The following ZNF385D variants were observed in gnomAD, a reference collection of about 807,000 sequenced individuals.
ZNF385D encodes the protein zinc finger protein 385D.
In ZNF385D, 15 loss-of-function variants were observed where a neutral mutation model predicts 35.8. The ratio of observed to expected loss-of-function variants is 0.42; its 90% CI spans 0.28 to 0.64. The LOEUF (loss-of-function observed/expected upper bound fraction) is 0.64, where lower values mean the gene tolerates loss of function less well. Among genes scored for constraint, ZNF385D ranks in the 30% least tolerant of loss-of-function variants. The pLI is 0.23. For missense variants in ZNF385D, 474 were observed against 494.6 expected, an observed-to-expected ratio of 0.96 and a Z score of 0.39; for synonymous variants, 212 against 186.8, an observed-to-expected ratio of 1.13 and a Z score of -1.10.
chr3:22,220,077 T>C (rs1172388740), intron 2 of ZNF385D, among the ~76,000 whole-genome samples: 10 of 151,962 alleles, frequency 6.6e-5, no homozygotes, highest in Admixed American at 6.6e-4. Context: ...TTTTTTCTTT[T>C]TTTGAGACAG....
At chr3:22,258,770 C>G (rs140272691) in intron 2 of ZNF385D, among the ~76,000 whole-genome samples, 3 of 151,536 alleles carry the variant, frequency 2.0e-5, no homozygotes, top group African/African-American at 7.3e-5. Flanking sequence ...AGATTATTTG[C>G]ATGTTAAAAT....
At chr3:21,703,144 T>C (rs1331375741) in intron 1 of ZNF385D, among the ~76,000 whole-genome samples, 3 of 152,146 alleles carry the variant, frequency 2.0e-5, no homozygotes, top group African/African-American at 7.2e-5. Context: ...GAAAAAGAGC[T>C]TTAATTGGAC....
At chr3:22,289,912 C>CTT (rs1702212574) in intron 2 of ZNF385D, among the ~76,000 whole-genome samples, 1 of 152,058 alleles carries the variant, frequency 6.6e-6, no homozygotes, top group Admixed American at 6.6e-5. Flanking sequence ...TCTAATGCAG[C>CTT]CTTGTTAGAA....
intron 3 of ZNF385D, among the ~76,000 whole-genome samples, chr3:22,105,351 A>G (rs796758218): frequency 1.2e-4 from 18 of 152,016 alleles, no homozygotes; most frequent in African/African-American, 4.3e-4. Context: ...GACTCACTAG[A>G]TAAACACATA....
At chr3:21,705,894 C>G (rs1024415704) in intron 1 of ZNF385D, among the ~76,000 whole-genome samples, 15 of 152,298 alleles carry the variant, frequency 9.8e-5, no homozygotes, top group African/African-American at 3.4e-4. Flanking sequence ...CCTGCCACTC[C>G]CACACCAAGC....
intron 2 of ZNF385D, among the ~76,000 whole-genome samples, chr3:22,290,148 TGAGGAAACTTA>T (rs2125395910): frequency 6.6e-6 from 1 of 152,238 alleles, no homozygotes; most frequent in South Asian, 2.1e-4. Flanking sequence ...AGCCAAATTG[TGAGGAAACTTA>T]GAGTGCTACA....
At chr3:22,021,222 A>C (rs920885309) in intron 3 of ZNF385D, among the ~76,000 whole-genome samples, 1 of 151,972 alleles carries the variant, frequency 6.6e-6, no homozygotes, top group Non-Finnish European at 1.5e-5. Flanking sequence ...ACATGAAACA[A>C]AATAGTACTT....
intron 2 of ZNF385D, among the ~76,000 whole-genome samples, chr3:22,269,678 G>A (rs547676535): frequency 5.3e-5 from 8 of 151,976 alleles, no homozygotes; most frequent in African/African-American, 1.9e-4. Context: ...GCTTCTTCCA[G>A]GTCTTTAAAT....
intron 3 of ZNF385D, among the ~76,000 whole-genome samples, chr3:21,833,335 A>G (rs1695120137): frequency 6.6e-6 from 1 of 152,218 alleles, no homozygotes; most frequent in East Asian, 1.9e-4. Context: ...AAAAGATACA[A>G]ATAAATTAAG....
intron 3 of ZNF385D, among the ~76,000 whole-genome samples, chr3:21,548,931 A>G (rs2062475067): frequency 6.6e-6 from 1 of 152,220 alleles, no homozygotes; most frequent in Non-Finnish European, 1.5e-5. Context: ...TATACAATGT[A>G]CAAATAGACA....
chr3:21,524,452 T>C (rs2125511453), intron 3 of ZNF385D, among the ~76,000 whole-genome samples: 1 of 152,346 alleles, frequency 6.6e-6, no homozygotes, highest in South Asian at 2.1e-4. Flanking sequence ...CATCATCACT[T>C]AGCTTTAAAA....
At chr3:21,670,608 T>C (rs905069909) in intron 1 of ZNF385D, among the ~76,000 whole-genome samples, 1 of 101,710 alleles carries the variant, frequency 9.8e-6, no homozygotes, top group African/African-American at 4.2e-5. Flanking sequence ...CGAAAATAAA[T>C]AACGGCATAA....
chr3:22,103,200 C>G (rs1001528711), intron 3 of ZNF385D, among the ~76,000 whole-genome samples: 1 of 121,332 alleles, frequency 8.2e-6, no homozygotes, highest in African/African-American at 3.3e-5. Flanking sequence ...GGACTCATTA[C>G]TAGCCCTGGG....
intron 4 of ZNF385D, among the ~76,000 whole-genome samples, chr3:21,498,858 G>T (rs561971736): frequency 6.8e-6 from 1 of 146,190 alleles, no homozygotes; most frequent in Non-Finnish European, 1.5e-5. Flanking sequence ...CAGGAGAATC[G>T]CTTGAACCTG....
chr3:21,721,507 T>G (rs2068539913), intron 1 of ZNF385D, among the ~76,000 whole-genome samples: 1 of 152,050 alleles, frequency 6.6e-6, no homozygotes, highest in Non-Finnish European at 1.5e-5. Flanking sequence ...TATAAAAAAG[T>G]AACTTATTTT....
intron 2 of ZNF385D, among the ~76,000 whole-genome samples, chr3:21,608,164 C>T (rs1370159061): frequency 6.6e-6 from 1 of 151,832 alleles, no homozygotes; most frequent in Non-Finnish European, 1.5e-5. Context: ...CAGGTGCCAC[C>T]ACACTTGGCT....
intron 2 of ZNF385D, among the ~76,000 whole-genome samples, chr3:21,611,276 A>G (rs2064668896): frequency 2.6e-5 from 4 of 152,218 alleles, no homozygotes; most frequent in Admixed American, 2.6e-4. Context: ...CCACAGAGAT[A>G]TGTATTATCA....
chr3:22,168,726 A>G, intron 3 of ZNF385D: 18 of 780,418 alleles, frequency 2.3e-5, no homozygotes, highest in South Asian at 5.8e-5. Context: ...GTTTAAAAAA[A>G]TAGTTCATTC....
chr3:21,559,790 G>C (rs2062873368), intron 3 of ZNF385D, among the ~76,000 whole-genome samples: 2 of 152,112 alleles, frequency 1.3e-5, no homozygotes, highest in South Asian at 4.1e-4. Context: ...GTCACTTTGA[G>C]GTACACCAAT....
Sources: gnomAD v4.1 joint callset for allele counts (sites outside exome capture counted in the v4.1 genomes callset) on GRCh38, gnomAD v4.1.1 for gene constraint, MANE v1.5 for transcripts, NCBI Gene and HGNC (gene_info 2026-07-23, HGNC 2026-07-21) for gene names.